Variants in PRIM2 observed in about 807,000 individuals in gnomAD.
PRIM2 encodes the protein DNA primase subunit 2.
Under a neutral mutation model 67.3 loss-of-function variants are expected in PRIM2, and 39 were observed. The ratio of observed to expected loss-of-function variants is 0.58; its 90% CI spans 0.45 to 0.76. The LOEUF (loss-of-function observed/expected upper bound fraction) is 0.76. Ranked by LOEUF, PRIM2 falls within the 30% of genes least tolerant of loss-of-function variation. PRIM2 has a pLI of 0.00. For missense variants in PRIM2, 398 were observed against 598.7 expected (o/e 0.66, Z 3.50); for synonymous variants, 143 against 198.7 (o/e 0.72, Z 2.36).
chr6:57,328,903 T>G (rs1386023318), intron 5 of PRIM2, among the ~76,000 whole-genome samples: 1 of 152,250 alleles, frequency 6.6e-6, no homozygotes, highest in Non-Finnish European at 1.5e-5. Context: ...GCATTTCTAA[T>G]GAAGCTGAAT....
the PRIM2 span, among the ~76,000 whole-genome samples, chr6:57,304,141 A>G: frequency 6.6e-6 from 1 of 152,208 alleles, no homozygotes; most frequent in Non-Finnish European, 1.5e-5. Flanking sequence ...AGAGGCTGGC[A>G]TATGGTACAA....
At chr6:57,512,014 C>A (rs1451349516) in intron 8 of PRIM2, among the ~76,000 whole-genome samples, 1 of 152,146 alleles carries the variant, frequency 6.6e-6, no homozygotes, top group Non-Finnish European at 1.5e-5. Flanking sequence ...GGTACTGAAT[C>A]GAACCCACAG....
chr6:57,350,864 T>C (rs1421359534), intron 5 of PRIM2, among the ~76,000 whole-genome samples: 1 of 152,124 alleles, frequency 6.6e-6, no homozygotes, highest in Non-Finnish European at 1.5e-5. Context: ...CATCTCCTTT[T>C]TTTATTTCAA....
intron 5 of PRIM2, among the ~76,000 whole-genome samples, chr6:57,332,529 T>C (rs184082530): frequency 2.0e-5 from 3 of 152,200 alleles, no homozygotes; most frequent in African/African-American, 7.2e-5. Context: ...TTTTGCTTCA[T>C]TTATTTTGGG....
chr6:57,446,790 T>G (rs937759346), intron 7 of PRIM2, among the ~76,000 whole-genome samples: 16 of 152,254 alleles, frequency 1.1e-4, no homozygotes, highest in Non-Finnish European at 2.2e-4. Context: ...GCTGGCCATC[T>G]CCATCTCCCA....
chr6:57,277,186 G>C, the PRIM2 span, among the ~76,000 whole-genome samples: 1 of 152,140 alleles, frequency 6.6e-6, no homozygotes. Flanking sequence ...AAAATCAGAT[G>C]ACATGGGATG....
At chr6:57,278,770 G>A in the PRIM2 span, among the ~76,000 whole-genome samples, 1 of 152,076 alleles carries the variant, frequency 6.6e-6, no homozygotes, top group South Asian at 2.1e-4. Flanking sequence ...CATGAAAGAG[G>A]AGGGAAAGCG....
the PRIM2 span, among the ~76,000 whole-genome samples, chr6:57,226,865 G>A: frequency 5.9e-5 from 9 of 152,308 alleles, no homozygotes; most frequent in African/African-American, 2.2e-4. Flanking sequence ...GTGACTTGCA[G>A]GTTTCTTGAA....
At chr6:57,354,982 G>T (rs900138469) in intron 5 of PRIM2, among the ~76,000 whole-genome samples, 1 of 152,236 alleles carries the variant, frequency 6.6e-6, no homozygotes, top group African/African-American at 2.4e-5. Flanking sequence ...TCTTGTCCAT[G>T]TGCATTCACA....
chr6:57,455,795 T>C (rs1772752449), intron 7 of PRIM2, among the ~76,000 whole-genome samples: 1 of 152,248 alleles, frequency 6.6e-6, no homozygotes, highest in African/African-American at 2.4e-5. Context: ...CATTTAAAGT[T>C]AATATTGTTA....
chr6:57,487,564 T>A (rs1773783621), intron 7 of PRIM2, among the ~76,000 whole-genome samples: 1 of 152,256 alleles, frequency 6.6e-6, no homozygotes, highest in Non-Finnish European at 1.5e-5. Context: ...ATTATTTTTA[T>A]GGTACTACAA....
intron 13 of PRIM2, among the ~76,000 whole-genome samples, chr6:57,634,350 T>A (rs1185752357): frequency 6.6e-6 from 1 of 152,200 alleles, no homozygotes; most frequent in Non-Finnish European, 1.5e-5. Flanking sequence ...ACCTAACTTT[T>A]GAAAGTATTG....
At chr6:57,561,481 C>T (rs1177916913) in intron 10 of PRIM2, among the ~76,000 whole-genome samples, 10 of 152,236 alleles carry the variant, frequency 6.6e-5, no homozygotes, top group African/African-American at 2.4e-4. Flanking sequence ...AATCCGTCCT[C>T]CTCGGCCTCC....
At chr6:57,403,710 C>T (rs1365216673) in intron 7 of PRIM2, among the ~76,000 whole-genome samples, 1 of 151,984 alleles carries the variant, frequency 6.6e-6, no homozygotes, top group Non-Finnish European at 1.5e-5. Flanking sequence ...TTCTAGTTGC[C>T]AGTAAATTTT....
the PRIM2 span, among the ~76,000 whole-genome samples, chr6:57,285,986 A>G: frequency 6.6e-6 from 1 of 152,218 alleles, no homozygotes; most frequent in African/African-American, 2.4e-5. Flanking sequence ...GAGCCAAATC[A>G]TGAGTGAACT....
chr6:57,512,139 T>C (rs1227432029), intron 8 of PRIM2, among the ~76,000 whole-genome samples: 1 of 152,094 alleles, frequency 6.6e-6, no homozygotes, highest in African/African-American at 2.4e-5. Flanking sequence ...TGATGGGTGC[T>C]AATGGTATGG....
chr6:57,456,346 G>A (rs2127393900), intron 7 of PRIM2, among the ~76,000 whole-genome samples: 1 of 152,228 alleles, frequency 6.6e-6, no homozygotes, highest in East Asian at 1.9e-4. Context: ...TTGCTAGATT[G>A]GGGAAGTTCT....
chr6:57,615,696 G>C (rs1401987319), intron 12 of PRIM2, among the ~76,000 whole-genome samples: 1 of 152,160 alleles, frequency 6.6e-6, no homozygotes, highest in Non-Finnish European at 1.5e-5. Flanking sequence ...AGGAGTTGGA[G>C]ACCACCCTGG....
chr6:57,363,108 T>C (rs1769249487), intron 5 of PRIM2, among the ~76,000 whole-genome samples: 1 of 152,164 alleles, frequency 6.6e-6, no homozygotes, highest in African/African-American at 2.4e-5. Flanking sequence ...AAATAAAATT[T>C]CAACTACATT....
Sources: allele counts gnomAD v4.1 joint callset (sites outside exome capture counted in the v4.1 genomes callset), GRCh38; gene constraint gnomAD v4.1.1; transcripts MANE v1.5; gene names NCBI Gene and HGNC (gene_info 2026-07-23, HGNC 2026-07-21).